NELL1: variants seen among roughly 807,000 people sequenced by gnomAD.
The protein encoded by NELL1 is protein kinase C-binding protein NELL1.
Under a neutral mutation model 107.4 loss-of-function variants are expected in NELL1, and 76 were observed. The ratio of observed to expected loss-of-function variants is 0.71; its 90% CI spans 0.59 to 0.86. NELL1 has a LOEUF of 0.86. Among genes scored for constraint, NELL1 ranks in the 40% least tolerant of loss-of-function variants. NELL1 has a pLI of 0.00. For synonymous variants in NELL1, 353 were observed against 341.2 expected, an observed-to-expected ratio of 1.03 and a Z score of -0.38; for missense variants, 1,024 against 1,005.5, an observed-to-expected ratio of 1.02 and a Z score of -0.25.
At chr11:21,372,676 A>G (rs1851382417) in intron 15 of NELL1, among the ~76,000 whole-genome samples, 1 of 151,878 alleles carries the variant, frequency 6.6e-6, no homozygotes, top group African/African-American at 2.4e-5. Flanking sequence ...TCCAAACTAG[A>G]TGGAATATCA....
intron 4 of NELL1, among the ~76,000 whole-genome samples, chr11:20,862,290 T>C (rs1848992070): frequency 4.6e-5 from 1 of 21,614 alleles, no homozygotes; most frequent in African/African-American, 7.3e-5. Flanking sequence ...TCAAGAGTCA[T>C]TTTTTTTTAA....
chr11:20,848,584 A>G (rs1848742928), intron 4 of NELL1, among the ~76,000 whole-genome samples: 3 of 152,110 alleles, frequency 2.0e-5, no homozygotes, highest in Admixed American at 6.5e-5. Context: ...GTGCCCATGC[A>G]TTGTTGATTC....
chr11:21,486,190 A>G (rs1854627623), intron 15 of NELL1, among the ~76,000 whole-genome samples: 2 of 152,234 alleles, frequency 1.3e-5, no homozygotes, highest in South Asian at 4.1e-4. Context: ...TGGACTTACG[A>G]ACACTAGACT....
At chr11:20,894,874 A>G (rs1849691722) in intron 5 of NELL1, among the ~76,000 whole-genome samples, 1 of 152,188 alleles carries the variant, frequency 6.6e-6, no homozygotes, top group South Asian at 2.1e-4. Context: ...TGTTATATGT[A>G]TATAACGTAT....
chr11:21,004,377 G>A (rs964542140), intron 12 of NELL1, among the ~76,000 whole-genome samples: 1 of 151,976 alleles, frequency 6.6e-6, no homozygotes, highest in Non-Finnish European at 1.5e-5. Context: ...AAATTATAAA[G>A]TATTTTTGTT....
chr11:21,064,415 G>A (rs1477654398), intron 12 of NELL1, among the ~76,000 whole-genome samples: 1 of 152,144 alleles, frequency 6.6e-6, no homozygotes, highest in Non-Finnish European at 1.5e-5. Flanking sequence ...GTTAAGAGAG[G>A]AGGGGGTGAC....
At chr11:20,794,958 C>A (rs1199840991) in intron 3 of NELL1, among the ~76,000 whole-genome samples, 1 of 152,192 alleles carries the variant, frequency 6.6e-6, no homozygotes, top group Non-Finnish European at 1.5e-5. Context: ...CATGCCCCTG[C>A]CTTTTCCAAA....
At chr11:21,194,381 G>A (rs543909963) in intron 13 of NELL1, among the ~76,000 whole-genome samples, 2 of 152,232 alleles carry the variant, frequency 1.3e-5, no homozygotes, top group East Asian at 3.9e-4. Flanking sequence ...AAGGAGGACC[G>A]GGTTGCTCAG....
chr11:21,478,280 C>T (rs552969582), intron 15 of NELL1, among the ~76,000 whole-genome samples: 41 of 152,244 alleles, frequency 2.7e-4, no homozygotes, highest in African/African-American at 9.9e-4. Flanking sequence ...TCCCTCGACA[C>T]ATGGGGATTA....
chr11:21,324,644 T>C (rs575798239), intron 14 of NELL1, among the ~76,000 whole-genome samples: 2 of 152,154 alleles, frequency 1.3e-5, no homozygotes, highest in East Asian at 3.9e-4. Flanking sequence ...AAGGATTTAG[T>C]AAGTACAAAG....
intron 15 of NELL1, among the ~76,000 whole-genome samples, chr11:21,470,991 T>C (rs1854166024): frequency 6.6e-6 from 1 of 152,162 alleles, no homozygotes; most frequent in Admixed American, 6.6e-5. Flanking sequence ...TAGTCACTTA[T>C]AAATATTGTC....
At chr11:20,847,811 G>C in intron 4 of NELL1, 58 bp downstream of exon 4, 2 of 1,501,852 alleles carry the variant, frequency 1.3e-6, no homozygotes, top group Non-Finnish European at 1.8e-6. Context: ...CAATGGAAAA[G>C]GGGAAAAAAT....
Position 21,472,908 on chromosome 11 carries a change from A to G in NELL1, c.1646-61466A>G, listed in dbSNP as rs368603623. ...CATCTATGTGATTATCAGTTATTGG[A>G]TGCCTACCATAGGTAAAACATTATT... On this transcript the variant is annotated intron_variant, in intron 15 of 19. Coordinates refer to ENST00000357134, the MANE Select transcript of NELL1 (RefSeq NM_006157.5). Among the ~76,000 whole-genome samples, 28 of 150,372 alleles carry G rather than the reference A, an allele frequency of 1.9e-4. No homozygotes were observed. In the East Asian group the frequency reaches 3.3e-3, roughly 18 times the overall value.
intron 1 of NELL1, among the ~76,000 whole-genome samples, chr11:20,675,851 C>T (rs1311075237): frequency 1.3e-5 from 2 of 151,966 alleles, no homozygotes; most frequent in Admixed American, 6.6e-5. Context: ...GGATCTGCTT[C>T]CTGGGTGCAG....
intron 14 of NELL1, among the ~76,000 whole-genome samples, chr11:21,293,686 G>A (rs1003689177): frequency 1.3e-5 from 2 of 152,170 alleles, no homozygotes; most frequent in African/African-American, 4.8e-5. Context: ...CAACCCAACT[G>A]TGCATCAGTG....
intron 13 of NELL1, among the ~76,000 whole-genome samples, chr11:21,217,850 T>A (rs907305467): frequency 6.6e-6 from 1 of 152,090 alleles, no homozygotes; most frequent in African/African-American, 2.4e-5. Context: ...TCCTGATTGG[T>A]TTACTAAGGA....
At chr11:20,836,482 C>CA (rs1424671147) in intron 3 of NELL1, among the ~76,000 whole-genome samples, 1 of 151,798 alleles carries the variant, frequency 6.6e-6, no homozygotes, top group African/African-American at 2.4e-5. Flanking sequence ...TGTATTTTCA[C>CA]AAAAAATCCT....
chr11:21,573,712 TAAAAA>T (rs1190467301), intron 19 of NELL1, among the ~76,000 whole-genome samples: 2 of 132,060 alleles, frequency 1.5e-5, no homozygotes, highest in Non-Finnish European at 3.3e-5. Context: ...GCATATTAAA[TAAAAA>T]GAAAAGAAAG....
At chr11:21,572,846 A>G (rs980302164) in intron 18 of NELL1, among the ~76,000 whole-genome samples, 1 of 151,894 alleles carries the variant, frequency 6.6e-6, no homozygotes, top group African/African-American at 2.4e-5. Flanking sequence ...GATGGAGAGA[A>G]AGTAACAAGC....
Sources: gnomAD v4.1 joint callset for allele counts (sites outside exome capture counted in the v4.1 genomes callset) on GRCh38, gnomAD v4.1.1 for gene constraint, MANE v1.5 for transcripts, NCBI Gene and HGNC (gene_info 2026-07-23, HGNC 2026-07-21) for gene names.